Variants in TENM3 observed in about 807,000 individuals in gnomAD.
TENM3 encodes the protein teneurin transmembrane protein 3.
In TENM3, 63 loss-of-function variants were observed where a neutral mutation model predicts 255.1. That is an observed-to-expected ratio of 0.25 (90% confidence interval 0.20 to 0.30). The LOEUF is 0.30. Among genes scored for constraint, TENM3 ranks in the 10% least tolerant of loss-of-function variants. TENM3 has a pLI of 1.00. For synonymous variants in TENM3, 1,306 were observed against 1,322.3 expected, an observed-to-expected ratio of 0.99 and a Z score of 0.27; for missense variants, 2,929 against 3,461.1, an observed-to-expected ratio of 0.85 and a Z score of 3.86.
chr4:181,627,212 A>T, the TENM3 span, among the ~76,000 whole-genome samples: 1 of 152,238 alleles, frequency 6.6e-6, no homozygotes, highest in Non-Finnish European at 1.5e-5. Flanking sequence ...GAAAGAAAAT[A>T]TTAGACCTGC....
intron 1 of TENM3, among the ~76,000 whole-genome samples, chr4:182,157,422 T>G (rs558031229): frequency 5.3e-5 from 8 of 152,284 alleles, no homozygotes; most frequent in African/African-American, 1.9e-4. Context: ...AGACCCTTCT[T>G]CCCTGTTCTC....
intron 1 of TENM3, among the ~76,000 whole-genome samples, chr4:182,262,813 A>T (rs553193097): frequency 2.7e-5 from 4 of 145,734 alleles, no homozygotes; most frequent in Non-Finnish European, 5.9e-5. Flanking sequence ...TCCCGGGTTC[A>T]CGCCATTCTC....
chr4:182,270,764 C>A (rs1485546681), intron 1 of TENM3, among the ~76,000 whole-genome samples: 1 of 152,194 alleles, frequency 6.6e-6, no homozygotes, highest in Non-Finnish European at 1.5e-5. Context: ...AGGTTAAATT[C>A]ATCAATGCTT....
chr4:182,553,311 A>T (rs1250253961), intron 3 of TENM3, among the ~76,000 whole-genome samples: 1 of 146,786 alleles, frequency 6.8e-6, no homozygotes, highest in East Asian at 2.1e-4. Flanking sequence ...GTTCTCACTC[A>T]TAGGTGGGAA....
intron 1 of TENM3, among the ~76,000 whole-genome samples, chr4:182,311,016 A>T (rs952453852): frequency 2.6e-4 from 39 of 152,170 alleles, no homozygotes; most frequent in Non-Finnish European, 4.4e-5. Context: ...GGCCCACAAA[A>T]CAAAATTAGT....
At chr4:182,122,744 G>T in the TENM3 span, among the ~76,000 whole-genome samples, 1 of 152,152 alleles carries the variant, frequency 6.6e-6, no homozygotes, top group Non-Finnish European at 1.5e-5. Context: ...CAAGTAACTA[G>T]CTACATTAGC....
At chr4:182,383,136 G>A (rs753761091) in intron 3 of TENM3, among the ~76,000 whole-genome samples, 4 of 152,148 alleles carry the variant, frequency 2.6e-5, no homozygotes, top group Non-Finnish European at 4.4e-5. Flanking sequence ...GTGGAGTCGG[G>A]GTGGTGGATG....
the TENM3 span, among the ~76,000 whole-genome samples, chr4:181,457,267 T>C: frequency 1.9e-4 from 29 of 152,014 alleles, no homozygotes; most frequent in Admixed American, 1.6e-3. Context: ...ATGGACTCTG[T>C]AGGCACTGAA....
At chr4:181,714,211 G>T in the TENM3 span, among the ~76,000 whole-genome samples, 1 of 152,236 alleles carries the variant, frequency 6.6e-6, no homozygotes, top group Middle Eastern at 3.4e-3. Flanking sequence ...CAAAGCAGGG[G>T]GATCATTTGA....
At chr4:181,702,392 T>A in the TENM3 span, among the ~76,000 whole-genome samples, 7 of 152,194 alleles carry the variant, frequency 4.6e-5, no homozygotes, top group Non-Finnish European at 1.0e-4. Context: ...GGAAAGATTG[T>A]TTTTTCTTAA....
chr4:182,217,792 T>A lies in TENM3; in HGVS notation c.-76+73038T>A, dbSNP rs983676221. 2.8e-4 allele frequency among the ~76,000 whole-genome samples: 42 copies of A among 152,226 alleles called. 2 individuals are homozygous for A. Among genetic ancestry groups the A allele is most frequent in the Non-Finnish European group, 1.5e-5 (1 of 68,034 alleles). ...TGTGATATTATTTGAGATTTCTCTT[T>A]TAATTATTCTTGATATCTTTGGGGC... On this transcript the variant is annotated intron_variant, in intron 1 of 2. Transcript: ENST00000512480.
intron 3 of TENM3, among the ~76,000 whole-genome samples, chr4:182,537,893 A>G (rs1189177519): frequency 2.0e-5 from 3 of 152,162 alleles, no homozygotes; most frequent in Non-Finnish European, 4.4e-5. Context: ...ACCATGGAAG[A>G]TGATTGATTC....
intron 3 of TENM3, among the ~76,000 whole-genome samples, chr4:182,361,216 C>T (rs1297383213): frequency 1.3e-5 from 2 of 152,016 alleles, no homozygotes; most frequent in Non-Finnish European, 2.9e-5. Flanking sequence ...TTGCTCTTCT[C>T]GAGGAGTATC....
intron 3 of TENM3, among the ~76,000 whole-genome samples, chr4:182,490,236 T>A (rs1056749346): frequency 6.6e-6 from 1 of 152,190 alleles, no homozygotes; most frequent in Non-Finnish European, 1.5e-5. Context: ...TGAATAACCA[T>A]AGGTATTCAA....
the TENM3 span, among the ~76,000 whole-genome samples, chr4:181,652,188 T>A: frequency 6.6e-6 from 1 of 151,100 alleles, no homozygotes; most frequent in Non-Finnish European, 1.5e-5. Context: ...GTTGTAGTCT[T>A]CCATGGGACA....
chr4:182,419,993 T>G (rs187774786), intron 3 of TENM3, among the ~76,000 whole-genome samples: 21 of 152,034 alleles, frequency 1.4e-4, no homozygotes, highest in African/African-American at 4.8e-4. Flanking sequence ...GTTGTCCACA[T>G]GTACCCTAGA....
chr4:182,526,627 G>A (rs1000734332), intron 3 of TENM3, among the ~76,000 whole-genome samples: 6 of 152,150 alleles, frequency 3.9e-5, no homozygotes, highest in Admixed American at 1.3e-4. Context: ...CATGAAGGTC[G>A]AGCTGTAATT....
the TENM3 span, among the ~76,000 whole-genome samples, chr4:181,553,445 T>G: frequency 1.3e-5 from 2 of 151,972 alleles, no homozygotes; most frequent in South Asian, 4.2e-4. Context: ...GGCTTTTTAT[T>G]TATTTATTTA....
chr4:181,877,228 C>T, the TENM3 span: 3 of 151,842 alleles, frequency 2.0e-5, no homozygotes, highest in Admixed American at 6.6e-5. Context: ...ATGTCTGAAG[C>T]GGGATTTGAG....
Sources: gnomAD v4.1 joint callset for allele counts (sites outside exome capture counted in the v4.1 genomes callset) on GRCh38, gnomAD v4.1.1 for gene constraint, MANE v1.5 for transcripts, NCBI Gene and HGNC (gene_info 2026-07-23, HGNC 2026-07-21) for gene names.